The following GLP1R variants were observed in gnomAD, a reference collection of about 807,000 sequenced individuals.
The protein encoded by GLP1R is glucagon like peptide 1 receptor.
GLP1R carries 32 observed loss-of-function variants against 68.4 expected under a neutral mutation model. The ratio of observed to expected loss-of-function variants is 0.47; its 90% CI spans 0.35 to 0.63. The LOEUF is 0.63. Ranked by LOEUF, GLP1R falls within the 20% of genes least tolerant of loss-of-function variation. The pLI is 0.00. For synonymous variants in GLP1R, 263 were observed against 244.4 expected, an observed-to-expected ratio of 1.08 and a Z score of -0.71; for missense variants, 502 against 594.9, an observed-to-expected ratio of 0.84 and a Z score of 1.62.
At chr6:39,063,679 G>A (rs1023342099) in intron 3 of GLP1R, among the ~76,000 whole-genome samples, 6 of 152,138 alleles carry the variant, frequency 3.9e-5, no homozygotes, top group African/African-American at 1.4e-4. Flanking sequence ...AAAGAGCAGG[G>A]AGGCTGTCCT....
chr6:39,054,155 T>C (rs1168005822), intron 1 of GLP1R, among the ~76,000 whole-genome samples: 2 of 152,198 alleles, frequency 1.3e-5, no homozygotes, highest in Middle Eastern at 3.4e-3. Flanking sequence ...TTCCCTGTTA[T>C]GTCACTTGTC....
At chr6:39,082,645 A>G (rs1004203262) in intron 12 of GLP1R, among the ~76,000 whole-genome samples, 24 of 152,102 alleles carry the variant, frequency 1.6e-4, no homozygotes, top group African/African-American at 4.3e-4. Context: ...AAGTGCAAAA[A>G]CCTAAGCTCT....
chr6:39,078,519 C>A (rs1768896755), intron 8 of GLP1R, 137 bp downstream of exon 8: 3 of 708,944 alleles, frequency 4.2e-6, no homozygotes, highest in South Asian at 3.1e-5. Flanking sequence ...GAATTTAGTT[C>A]TCTAATCTCC....
rs1317906920 is a variant in GLP1R, at chr6:39,056,475, G to T, written c.157G>T (p.Asp53Tyr). The change falls in exon 2 of 13, where the codon GAT becomes TAT. Residue 53 changes from aspartate to tyrosine, a missense_variant. Transcript: ENST00000373256. ...RRQCQRSLTE[D>Y]PPPATDLFCN... ...CCAGTGCCAGCGCTCCCTGACTGAG[G>T]ATCCACCTCCTGCCACAGGTGAGTC... 1 of 1,596,356 alleles carries T rather than the reference G, an allele frequency of 6.3e-7. No homozygotes were observed. Among genetic ancestry groups the T allele is most frequent in the Admixed American group, 1.7e-5 (1 of 59,998 alleles).
chr6:39,064,777 T>C (rs874902), intron 3 of GLP1R, among the ~76,000 whole-genome samples: 16,036 of 152,232 alleles, frequency 0.11, 1,348 homozygotes, highest in African/African-American at 0.23. Flanking sequence ...TGCCCCGCCT[T>C]GCCTCTGCAG....
At position 39,049,031 on chromosome 6, in the gene GLP1R, CG is replaced by C. The variant is rs1768026929; in HGVS notation, c.78+118del. 24 of 495,806 alleles carry C rather than the reference CG, an allele frequency of 4.8e-5. No homozygotes were observed. In the South Asian group the frequency reaches 7.8e-4, roughly 16 times the overall value. 30.7% of individuals were successfully genotyped at this position (495,806 alleles called of 1,614,324 possible). On this transcript the variant is annotated intron_variant, in intron 1 of 12. Coordinates refer to ENST00000373256, the MANE Select transcript of GLP1R (RefSeq NM_002062.5). This position sits in a 1 kb window ranked among gnomAD's most constrained non-coding sequence, Gnocchi z 4.5. ...TTGAACGAAACTCCGAGACCGCTGG[CG>C]GGGGCATCCGAAAGCCTCGGGGGGA...
At chr6:39,065,548 G>A (rs181082561) in intron 3 of GLP1R, among the ~76,000 whole-genome samples, 163 bp from the exon 4 acceptor site, 1 of 152,338 alleles carries the variant, frequency 6.6e-6, no homozygotes, top group African/African-American at 2.4e-5. Flanking sequence ...GTGTGTGTGT[G>A]TGTGTTTGTG....
At chr6:39,075,522 T>G (rs190790987) in intron 7 of GLP1R, among the ~76,000 whole-genome samples, 1 of 150,838 alleles carries the variant, frequency 6.6e-6, no homozygotes, top group Admixed American at 6.6e-5. Context: ...GGGGAGGGAG[T>G]GCCAAGTCCT....
intron 12 of GLP1R, among the ~76,000 whole-genome samples, chr6:39,082,828 G>C (rs1454138639): frequency 1.3e-5 from 2 of 152,050 alleles, no homozygotes; most frequent in Non-Finnish European, 2.9e-5. Context: ...GAGGCTCCCT[G>C]CTGCCACCTT....
At chr6:39,058,146 C>G (rs959709823) in intron 3 of GLP1R, among the ~76,000 whole-genome samples, 1 of 152,154 alleles carries the variant, frequency 6.6e-6, no homozygotes, top group African/African-American at 2.4e-5. Flanking sequence ...AAGAGAAATG[C>G]GACCCCTTCC....
intron 11 of GLP1R, 81 bp from the exon 12 acceptor site, chr6:39,080,616 TC>T: frequency 1.2e-6 from 1 of 866,066 alleles, no homozygotes; most frequent in Non-Finnish European, 1.8e-6. Flanking sequence ...GAGGATGGAG[TC>T]CCAAAGTGCT....
Position 39,073,868 on chromosome 6 carries a change from G to T in GLP1R, c.823+99G>T. 4 of 1,086,372 alleles carry T rather than the reference G, an allele frequency of 3.7e-6. No individual in the cohort carries two copies. In the South Asian group the frequency reaches 5.6e-5, roughly 15 times the overall value. 67.3% of individuals were successfully genotyped at this position (1,086,372 alleles called of 1,614,324 possible). On this transcript the variant is annotated intron_variant, in intron 7 of 12. Coordinates refer to ENST00000373256, the MANE Select transcript of GLP1R (RefSeq NM_002062.5). ...ACTTGGAACGCACTGCTGAGCAAGG[G>T]GCAAGGCCCACTGGGTAACCCTCTT...
chr6:39,061,355 G>C (rs1239644160), intron 3 of GLP1R, among the ~76,000 whole-genome samples: 2 of 152,220 alleles, frequency 1.3e-5, no homozygotes, highest in African/African-American at 4.8e-5. Context: ...CAGCTGATCT[G>C]CTTGTTACAA....
At chr6:39,067,292 C>A (rs924497740) in intron 5 of GLP1R, among the ~76,000 whole-genome samples, 2 of 152,186 alleles carry the variant, frequency 1.3e-5, no homozygotes, top group African/African-American at 4.8e-5. Flanking sequence ...TTGTCTTAGT[C>A]TTTTCCTGCT....
rs1300870172 is a variant in GLP1R at position 39,088,635 on chromosome 6, A to G, written c.*2562A>G. On this transcript the variant is annotated 3_prime_UTR_variant, in exon 13 of 13. Coordinates refer to ENST00000373256, the MANE Select transcript of GLP1R (RefSeq NM_002062.5). ...CTTGTTAGTGGCTTGCATTTTGTCA[A>G]TTTTTCTTTGCCATTTCAGTCTTTC... Among the ~76,000 whole-genome samples, 1 of 152,110 alleles carries G rather than the reference A, an allele frequency of 6.6e-6. No homozygotes were observed. Among genetic ancestry groups the G allele is most frequent in the Non-Finnish European group, 1.5e-5 (1 of 68,012 alleles).
chr6:39,050,751 A>G (rs1768068938), intron 1 of GLP1R, among the ~76,000 whole-genome samples: 1 of 152,238 alleles, frequency 6.6e-6, no homozygotes, highest in Admixed American at 6.5e-5. Context: ...TTTTCTGTCT[A>G]TGAAGTCAAA....
At chr6:39,073,895 C>G in intron 7 of GLP1R, 126 bp downstream of exon 7, 1 of 798,654 alleles carries the variant, frequency 1.3e-6, no homozygotes, top group East Asian at 2.5e-5. Context: ...AACCCTCTTC[C>G]TGGGCACAGG....
chr6:39,089,627 TATGTGTGTGC>T lies in GLP1R; in HGVS notation c.*3564_*3573del, dbSNP rs1769235031. Among the ~76,000 whole-genome samples the T allele has an allele frequency of 6.6e-6, 1 of 152,204 alleles. No homozygotes were observed. The highest frequency in any genetic ancestry group is 2.4e-5 in the African/African-American group (1 of 41,438). Reference sequence around the variant, plus strand: ...CATTGCATGTGGGCGTGTGTGTGTGTATGTGTGTGCATGTGTGTGTGCATGTTTCTTCTGT... The same window carrying T: ...CATTGCATGTGGGCGTGTGTGTGTGTATGTGTGTGTGCATGTTTCTTCTGT... On this transcript the variant is annotated 3_prime_UTR_variant, in exon 13 of 13. Transcript: ENST00000373256. The surrounding 1 kb of genome is among the most constrained non-coding windows in gnomAD (Gnocchi z 4.1).
rs539483612 is a variant in GLP1R at position 39,077,511 on chromosome 6, C to CAGAGAA, written c.824-798_824-793dup. Among the ~76,000 whole-genome samples the CAGAGAA allele has an allele frequency of 2.6e-3, 389 of 152,326 alleles. 3 individuals carry two copies. Among genetic ancestry groups the CAGAGAA allele is most frequent in the South Asian group, 9.8e-3 (47 of 4,816 alleles). ...ACTGGTTTCCCCCAGAGCAAGTGAT[C>CAGAGAA]AGAGAAAGAGAAAGAGAATGCAAAA... On this transcript the variant is annotated intron_variant, in intron 7 of 12. Transcript: ENST00000373256.
Sources: gnomAD v4.1 joint callset for allele counts (sites outside exome capture counted in the v4.1 genomes callset) on GRCh38, gnomAD v4.1.1 for gene constraint, Gnocchi (gnomAD v3.1) non-coding constraint, MANE v1.5 for transcripts, NCBI Gene and HGNC (gene_info 2026-07-23, HGNC 2026-07-21) for gene names.